The following SLCO1C1 variants were observed in gnomAD, a reference collection of about 807,000 sequenced individuals.
SLCO1C1 encodes OAT-RP-5.
In SLCO1C1, 70 loss-of-function variants were observed where a neutral mutation model predicts 76.4. The ratio of observed to expected loss-of-function variants is 0.92; its 90% CI spans 0.76 to 1.12. The LOEUF (loss-of-function observed/expected upper bound fraction) is 1.12, where lower values mean the gene tolerates loss of function less well. Among genes scored for constraint, SLCO1C1 ranks in the 50% most tolerant of loss-of-function variants. The probability of loss-of-function intolerance (pLI) is 0.00; values close to 1 mark genes in which losing one functional copy is unlikely to be tolerated. For synonymous variants in SLCO1C1, 306 were observed against 286.1 expected, an observed-to-expected ratio of 1.07 and a Z score of -0.70; for missense variants, 912 against 823.8, an observed-to-expected ratio of 1.11 and a Z score of -1.31.
intron 10 of SLCO1C1, among the ~76,000 whole-genome samples, chr12:20,735,947 G>A (rs1343442094): frequency 2.0e-5 from 3 of 152,090 alleles, no homozygotes; most frequent in Admixed American, 6.6e-5. Flanking sequence ...GTACAGTTCA[G>A]TGTATTTTTT....
intron 13 of SLCO1C1, among the ~76,000 whole-genome samples, chr12:20,745,752 T>C (rs1040034843): frequency 2.0e-5 from 3 of 151,386 alleles, no homozygotes; most frequent in African/African-American, 7.3e-5. Context: ...TTGAACCTGG[T>C]AGGCAGAGGT....
intron 13 of SLCO1C1, among the ~76,000 whole-genome samples, chr12:20,743,932 T>A (rs1454861516): frequency 6.6e-6 from 1 of 151,902 alleles, no homozygotes; most frequent in Non-Finnish European, 1.5e-5. Context: ...TAGAAAACAG[T>A]GAATGAGACA....
intron 9 of SLCO1C1, among the ~76,000 whole-genome samples, chr12:20,726,498 CAAGTT>C (rs1948006590): frequency 6.6e-6 from 1 of 151,936 alleles, no homozygotes; most frequent in African/African-American, 2.4e-5. Flanking sequence ...CATTTTTTCT[CAAGTT>C]AATTACTTTA....
At chr12:20,724,405 GTGTGTGTATA>G (rs1177575717) in intron 9 of SLCO1C1, among the ~76,000 whole-genome samples, 334 of 29,470 alleles carry the variant, frequency 0.011, 1 homozygote, top group African/African-American at 0.024. Flanking sequence ...GTGTGTGTGT[GTGTGTGTATA>G]TATATATATA....
At position 20,744,750 on chromosome 12, in the gene SLCO1C1, C is replaced by T. The variant is rs373183189; in HGVS notation, c.1798+1381C>T. Among the ~76,000 whole-genome samples, 203 of 152,120 alleles carry T rather than the reference C, an allele frequency of 1.3e-3. 6 individuals are homozygous for T. In the South Asian group the frequency reaches 0.041, roughly 30 times the overall value. ...AATTATATATAGATTTACCTTTTAA[C>T]CTAATATCTTTACTTCTAAGAATTA... On this transcript the variant is annotated intron_variant, in intron 13 of 14. Transcript: ENST00000266509.
At position 20,713,081 on chromosome 12, in the gene SLCO1C1, T is replaced by C. The variant is rs1301017689; in HGVS notation, c.529+1571T>C. ...ACAATGTACGGCCAGGGAAGATGTT[T>C]TCTTTTTTTTTTTTTTGAGACGGAG... On this transcript the variant is annotated intron_variant, in intron 5 of 14. Transcript: ENST00000266509. 9.2e-5 allele frequency among the ~76,000 whole-genome samples: 5 copies of C among 54,316 alleles called. No homozygotes were observed. The South Asian group carries it at 2.3e-3, about 25-fold the overall frequency. The allele number at this position is 54,316 out of a possible 152,430, so 35.6% of individuals were successfully genotyped here.
At position 20,740,270 on chromosome 12, in the gene SLCO1C1, T is replaced by A; in HGVS notation, c.1635T>A (p.Asn545Lys). 6.2e-7 allele frequency: 1 copy of A among 1,613,974 alleles called. No homozygotes were observed. Among genetic ancestry groups the A allele is most frequent in the Non-Finnish European group, 8.5e-7 (1 of 1,179,934 alleles). Reference protein sequence around the residue: ...SGIVGRCQKDNGCPQMFLYFL... With the variant: ...SGIVGRCQKDKGCPQMFLYFL... Reference sequence around the variant, plus strand: ...TAGTGGGAAGATGTCAGAAAGACAATGGATGTCCCCAAATGTTTCTGTATT... The same window carrying A: ...TAGTGGGAAGATGTCAGAAAGACAAAGGATGTCCCCAAATGTTTCTGTATT... Residue 545 changes from asparagine to lysine, a missense_variant, in exon 12 of 15, where the codon AAT becomes AAA. Transcript: ENST00000266509.
chr12:20,696,578 T>C (rs967529992), intron 1 of SLCO1C1, among the ~76,000 whole-genome samples: 2 of 152,154 alleles, frequency 1.3e-5, no homozygotes, highest in African/African-American at 4.8e-5. Context: ...ACTGCTTGGC[T>C]TGTTTTTCTT....
In SLCO1C1 at chr12:20,752,676, C is replaced by G; in HGVS notation, c.*148C>G. On this transcript the variant is annotated 3_prime_UTR_variant, in exon 15 of 15. Transcript: ENST00000266509. ...TGGTCCTAGGCATTAGGTAATATAA[C>G]TGATAATATACTGAAACATATAATG... 1.8e-6 allele frequency: 1 copy of G among 549,972 alleles called. No homozygotes were observed. The highest frequency in any genetic ancestry group is 3.1e-6 in the Non-Finnish European group (1 of 324,120). The allele number at this position is 549,972 out of a possible 1,614,324, so 34.1% of individuals were successfully genotyped here. A position where few individuals can be genotyped will look rare whatever the true frequency, so the allele number is the denominator to read the frequency against.
At position 20,752,486 on chromosome 12, in the gene SLCO1C1, G is replaced by C. The variant is rs1174794030; in HGVS notation, c.2097G>C (p.Leu699=). The C allele has an allele frequency of 6.2e-7, 1 of 1,608,512 alleles. No homozygotes were observed. Among genetic ancestry groups the C allele is most frequent in the Admixed American group, 1.7e-5 (1 of 59,728 alleles). ...QKENYTTSDH[L]LQPNYWPGKE... is the part of the protein sequence containing the mutation. ...AAAATTACACTACAAGTGATCATCT[G>C]CTACAACCCAACTACTGGCCAGGCA... Residue 699 remains leucine (L), a synonymous_variant, in exon 15 of 15, where the codon CTG becomes CTC. Transcript: ENST00000266509.
intron 5 of SLCO1C1, among the ~76,000 whole-genome samples, chr12:20,713,963 A>G (rs1947253747): frequency 6.6e-6 from 1 of 152,244 alleles, no homozygotes; most frequent in Admixed American, 6.5e-5. Context: ...GCTAGAATGC[A>G]CATTAGAGTT....
Position 20,715,187 on chromosome 12 carries a change from G to A in SLCO1C1, c.578G>A (p.Gly193Asp), listed in dbSNP as rs368099003. ...TCCATGTGGATTTATGTTTTCCTGG[G>A]CAATCTTCTTCGTGGAATAGGAGAA... Reference protein sequence around the residue: ...SSSMWIYVFLGNLLRGIGETP... With the variant: ...SSSMWIYVFLDNLLRGIGETP... Residue 193 changes from glycine to aspartate, a missense_variant, in exon 6 of 15, where the codon GGC becomes GAC. Physicochemically the swap from Gly to Asp is moderately conservative, Grantham distance 94. Coordinates refer to ENST00000266509, the MANE Select transcript of SLCO1C1 (RefSeq NM_017435.5). 6.2e-7 allele frequency: 1 copy of A among 1,614,044 alleles called. No individual in the cohort carries two copies. The highest frequency in any genetic ancestry group is 8.5e-7 in the Non-Finnish European group (1 of 1,179,944).
chr12:20,752,479 A>G lies in SLCO1C1; in HGVS notation c.2090A>G (p.Asp697Gly), dbSNP rs904101807. 11 of 1,611,322 alleles carry G rather than the reference A, an allele frequency of 6.8e-6. No homozygotes were observed. Among genetic ancestry groups the G allele is most frequent in the Admixed American group, 3.3e-5 (2 of 59,902 alleles). ...RFQKENYTTS[D>G]HLLQPNYWPG... ...CAAAAGGAAAATTACACTACAAGTG[A>G]TCATCTGCTACAACCCAACTACTGG... The change falls in exon 15 of 15, where the codon GAT becomes GGT. Residue 697 changes from aspartate to glycine, a missense_variant. Coordinates refer to ENST00000266509, the MANE Select transcript of SLCO1C1 (RefSeq NM_017435.5).
chr12:20,744,357 ATAT>A (rs1294564880), intron 13 of SLCO1C1, among the ~76,000 whole-genome samples: 1 of 152,122 alleles, frequency 6.6e-6, no homozygotes, highest in Non-Finnish European at 1.5e-5. Flanking sequence ...GACAAAAATA[ATAT>A]TTGAAATTGG....
intron 13 of SLCO1C1, among the ~76,000 whole-genome samples, chr12:20,746,314 C>G (rs1949041005): frequency 6.6e-6 from 1 of 151,760 alleles, no homozygotes; most frequent in Non-Finnish European, 1.5e-5. Flanking sequence ...TGGAGAATAT[C>G]AGGACATCAA....
intron 6 of SLCO1C1, 73 bp downstream of exon 6, chr12:20,715,358 C>T: frequency 2.0e-6 from 3 of 1,533,302 alleles, no homozygotes; most frequent in Non-Finnish European, 1.8e-6. Flanking sequence ...CCCCTCTATG[C>T]TAAATTAAGT....
At chr12:20,701,638 G>A (rs1408883576) in intron 3 of SLCO1C1, among the ~76,000 whole-genome samples, 179 bp downstream of exon 3, 2 of 149,140 alleles carry the variant, frequency 1.3e-5, no homozygotes, top group East Asian at 4.0e-4. Flanking sequence ...TTTTCTCAGA[G>A]CAATCAACAG....
At chr12:20,712,147 A>C (rs1947140525) in intron 5 of SLCO1C1, among the ~76,000 whole-genome samples, 1 of 152,298 alleles carries the variant, frequency 6.6e-6, no homozygotes, top group South Asian at 2.1e-4. Context: ...TCTCCAGTAC[A>C]GAAGTGGCCA....
At chr12:20,745,739 T>A (rs1949014508) in intron 13 of SLCO1C1, among the ~76,000 whole-genome samples, 1 of 151,774 alleles carries the variant, frequency 6.6e-6, no homozygotes, top group African/African-American at 2.4e-5. Context: ...GCAGGAGAAT[T>A]GCTTGAACCT....
Sources: allele counts gnomAD v4.1 joint callset (sites outside exome capture counted in the v4.1 genomes callset), GRCh38; gene constraint gnomAD v4.1.1; transcripts MANE v1.5; gene names NCBI Gene and HGNC (gene_info 2026-07-23, HGNC 2026-07-21).